The following NALF1 variants were observed in gnomAD, a reference collection of about 807,000 sequenced individuals.
The protein encoded by NALF1 is family with sequence similarity 155 member A.
Under a neutral mutation model 48.4 loss-of-function variants are expected in NALF1, and 3 were observed. That is an observed-to-expected ratio of 0.06 (90% confidence interval 0.03 to 0.16). The LOEUF (loss-of-function observed/expected upper bound fraction) is 0.16. NALF1 is among the 10% of genes least tolerant of loss of function. The probability of loss-of-function intolerance (pLI) is 1.00; values close to 1 mark genes in which losing one functional copy is unlikely to be tolerated. For synonymous variants in NALF1, 262 were observed against 245.7 expected (o/e 1.07, Z -0.62); for missense variants, 526 against 571.5 (o/e 0.92, Z 0.81).
intron 1 of NALF1, among the ~76,000 whole-genome samples, chr13:107,473,654 T>C (rs1026077075): frequency 6.6e-6 from 1 of 152,180 alleles, no homozygotes; most frequent in African/African-American, 2.4e-5. Context: ...AAGATAGTAG[T>C]AGAATTACAG....
chr13:107,523,621 C>T (rs531594129), intron 1 of NALF1, among the ~76,000 whole-genome samples: 1 of 147,500 alleles, frequency 6.8e-6, no homozygotes, highest in South Asian at 2.2e-4. Context: ...AATGAGGTAA[C>T]GGTTGGAGCA....
rs142531996 is a variant in NALF1 at position 107,317,815 on chromosome 13, G to T, written c.916-107060C>A. 8.8e-3 allele frequency among the ~76,000 whole-genome samples: 1,343 copies of T among 151,760 alleles called. 30 individuals are homozygous for T. The highest frequency in any genetic ancestry group is 0.031 in the African/African-American group (1,280 of 41,426). On this transcript the variant is annotated intron_variant, in intron 1 of 2. Transcript: ENST00000375915. ...AGAAAACAATGAGATAAAATTGAGA[G>T]AAAATGAAGCATTAAAACATAAGAT...
intron 1 of NALF1, among the ~76,000 whole-genome samples, chr13:107,234,668 C>A (rs1487808504): frequency 6.6e-6 from 1 of 151,738 alleles, no homozygotes; most frequent in East Asian, 1.9e-4. Context: ...CAAGTGACGT[C>A]CCCCAAGTCC....
At chr13:107,497,513 C>T (rs533563763) in intron 1 of NALF1, among the ~76,000 whole-genome samples, 2 of 152,178 alleles carry the variant, frequency 1.3e-5, no homozygotes, top group African/African-American at 4.8e-5. Context: ...GGTTTATCTG[C>T]CATGCTCAGG....
chr13:107,750,910 A>G (rs1876920269), intron 1 of NALF1, among the ~76,000 whole-genome samples: 1 of 152,194 alleles, frequency 6.6e-6, no homozygotes, highest in Non-Finnish European at 1.5e-5. Flanking sequence ...ATAAAACACA[A>G]CATAGAAAGC....
At chr13:107,607,963 T>C (rs1230522298) in intron 1 of NALF1, among the ~76,000 whole-genome samples, 1 of 152,206 alleles carries the variant, frequency 6.6e-6, no homozygotes, top group African/African-American at 2.4e-5. Flanking sequence ...CTGTCTACAC[T>C]GAAATGCTGG....
chr13:107,247,801 A>T (rs913656379), intron 1 of NALF1, among the ~76,000 whole-genome samples: 1 of 152,150 alleles, frequency 6.6e-6, no homozygotes, highest in Non-Finnish European at 1.5e-5. Flanking sequence ...TCACAGAAGC[A>T]GAAACAAATA....
chr13:107,866,222 G>C lies in NALF1; in HGVS notation c.375C>G (p.Ala125=). The change falls in exon 1 of 3, where the codon GCC becomes GCG. Residue 125 remains alanine, a synonymous_variant. Coordinates refer to ENST00000375915, the MANE Select transcript of NALF1 (RefSeq NM_001080396.3). This position sits in a 1 kb window ranked among gnomAD's most constrained non-coding sequence, Gnocchi z 4.4. The part of the protein sequence containing the change: ...PAAQAHRLLS[A]SSSPTLPPSP... ...AGGGGGGCAGGGTGGGGGACGAGGA[G>C]GCGGAGAGGAGTCTGTGTGCCTGGG... 1 of 1,596,448 alleles carries C rather than the reference G, an allele frequency of 6.3e-7. No individual in the cohort carries two copies. The highest frequency in any genetic ancestry group is 1.1e-5 in the South Asian group (1 of 88,952).
intron 1 of NALF1, among the ~76,000 whole-genome samples, chr13:107,361,313 C>T (rs1017450109): frequency 7.9e-5 from 12 of 152,148 alleles, no homozygotes; most frequent in East Asian, 1.9e-4. Flanking sequence ...GGAAGTCCAC[C>T]GAATGAACAA....
intron 1 of NALF1, among the ~76,000 whole-genome samples, chr13:107,215,966 A>C (rs1879864772): frequency 6.6e-6 from 1 of 152,242 alleles, no homozygotes; most frequent in South Asian, 2.1e-4. Flanking sequence ...TAGCCTGCTG[A>C]AAAAATATCA....
At chr13:107,248,902 T>G (rs1384041606) in intron 1 of NALF1, among the ~76,000 whole-genome samples, 2 of 151,490 alleles carry the variant, frequency 1.3e-5, no homozygotes, top group Non-Finnish European at 2.9e-5. Flanking sequence ...TACAGACAAT[T>G]CAAAAAAAAT....
At chr13:107,210,811 G>T in intron 1 of NALF1, 56 bp from the exon 2 acceptor site, 1 of 1,227,032 alleles carries the variant, frequency 8.1e-7, no homozygotes. Flanking sequence ...TACAGTGATA[G>T]AGGCACTGTG....
intron 1 of NALF1, among the ~76,000 whole-genome samples, chr13:107,665,352 C>A (rs1474855618): frequency 6.6e-6 from 1 of 152,092 alleles, no homozygotes; most frequent in Non-Finnish European, 1.5e-5. Flanking sequence ...AGACAATAGA[C>A]AACAGAAGAC....
chr13:107,680,328 G>A (rs765936598), intron 1 of NALF1, among the ~76,000 whole-genome samples: 15 of 152,192 alleles, frequency 9.9e-5, no homozygotes, highest in Non-Finnish European at 2.2e-4. Context: ...CCACCCAGTG[G>A]ACAAGAACAA....
chr13:107,449,144 T>A (rs1010096561), intron 1 of NALF1, among the ~76,000 whole-genome samples: 1 of 152,100 alleles, frequency 6.6e-6, no homozygotes, highest in Non-Finnish European at 1.5e-5. Flanking sequence ...CGCGGAAGGA[T>A]GAGGCAGGAG....
intron 1 of NALF1, among the ~76,000 whole-genome samples, chr13:107,265,888 C>G (rs1423572775): frequency 6.6e-6 from 1 of 152,044 alleles, no homozygotes; most frequent in East Asian, 1.9e-4. Context: ...GAAATCAGTA[C>G]CGTAGCATCT....
chr13:107,855,084 G>A (rs1265242015), intron 1 of NALF1, among the ~76,000 whole-genome samples: 1 of 152,072 alleles, frequency 6.6e-6, no homozygotes, highest in African/African-American at 2.4e-5. Flanking sequence ...TCACCTCTTT[G>A]CAGAGGCGTT....
Position 107,750,065 on chromosome 13 carries a change from G to A in NALF1, c.915+115617C>T, listed in dbSNP as rs537214981. Among the ~76,000 whole-genome samples, 10 of 152,132 alleles carry A rather than the reference G, an allele frequency of 6.6e-5. No individual in the cohort carries two copies. The East Asian group carries it at 7.7e-4, about 12-fold the overall frequency. Reference sequence around the variant, plus strand: ...GATCTCCTGACCTCATGATCCACCCGCCTCAGCCTCCCAAAGTGTTTTTAA... The same window carrying A: ...GATCTCCTGACCTCATGATCCACCCACCTCAGCCTCCCAAAGTGTTTTTAA... On this transcript the variant is annotated intron_variant, in intron 1 of 2. Coordinates refer to ENST00000375915, the MANE Select transcript of NALF1 (RefSeq NM_001080396.3).
At chr13:107,429,197 C>G (rs1884332550) in intron 1 of NALF1, among the ~76,000 whole-genome samples, 1 of 151,918 alleles carries the variant, frequency 6.6e-6, no homozygotes, top group Non-Finnish European at 1.5e-5. Context: ...TTGTGCAAGT[C>G]TGTAATCCCA....
Sources: gnomAD v4.1 joint callset for allele counts (sites outside exome capture counted in the v4.1 genomes callset) on GRCh38, gnomAD v4.1.1 for gene constraint, Gnocchi (gnomAD v3.1) non-coding constraint, MANE v1.5 for transcripts, NCBI Gene and HGNC (gene_info 2026-07-23, HGNC 2026-07-21) for gene names.